The following DMXL1 variants were observed in gnomAD, a reference collection of about 807,000 sequenced individuals.
DMXL1 encodes the protein dmX-like protein 1.
In DMXL1, 99 loss-of-function variants were observed where a neutral mutation model predicts 319.2. The ratio of observed to expected loss-of-function variants is 0.31; its 90% confidence interval spans 0.26 to 0.37. The LOEUF is 0.37. DMXL1 is among the 10% of genes least tolerant of loss of function. DMXL1 has a pLI of 1.00. For synonymous variants in DMXL1, 1,385 were observed against 1,235.2 expected, an observed-to-expected ratio of 1.12 and a Z score of -2.54; for missense variants, 3,745 against 3,595.6, an observed-to-expected ratio of 1.04 and a Z score of -1.06.
chr5:119,077,166 T>G (rs1182119560), intron 1 of DMXL1, among the ~76,000 whole-genome samples: 2 of 152,168 alleles, frequency 1.3e-5, no homozygotes, highest in Non-Finnish European at 2.9e-5. Flanking sequence ...CTATTTTATT[T>G]TATTTTTTTG....
intron 17 of DMXL1, 74 bp downstream of exon 17, chr5:119,147,544 G>T: frequency 1.0e-6 from 1 of 984,042 alleles, no homozygotes; most frequent in Non-Finnish European, 1.6e-6. Flanking sequence ...AATAGGTGCT[G>T]CAACTATCTC....
rs757939896 is a variant in DMXL1, at chr5:119,171,960, A to T, written c.6672A>T (p.Gln2224His). The T allele has an allele frequency of 1.2e-6, 2 of 1,610,412 alleles. No homozygotes were observed. Among genetic ancestry groups the T allele is most frequent in the Non-Finnish European group, 1.7e-6 (2 of 1,178,288 alleles). ...ATTCACCACCCCACCCTGATATCCA[A>T]AGCAATAAAGTAAGTATGCTTGGTT... ...NFDSPPHPDI[Q>H]SNKVYVMHTL... Residue 2224 changes from glutamine to histidine, a missense_variant, in exon 25 of 44, where the codon CAA (glutamine) becomes CAT (histidine). By Grantham distance (24) the Gln-to-His change is conservative. Around this residue, in one of 4 missense-constraint regions of DMXL1, gnomAD observed 1,382 missense variants for 1,269.5 expected, o/e 1.09. Coordinates refer to ENST00000539542, the MANE Select transcript of DMXL1 (RefSeq NM_001290321.3).
At chr5:119,239,447 G>A (rs560558476) in intron 41 of DMXL1, among the ~76,000 whole-genome samples, 13 of 152,234 alleles carry the variant, frequency 8.5e-5, no homozygotes, top group African/African-American at 3.1e-4. Context: ...TATTTCTTAC[G>A]TATGTTGGTC....
chr5:119,203,323 A>G lies in DMXL1; in HGVS notation c.7750A>G (p.Lys2584Glu), dbSNP rs1427786810. The change falls in exon 33 of 44, where the codon AAA (lysine) becomes GAA (glutamate). Residue 2584 changes from lysine (K) to glutamate (E), a missense_variant. Lys to Glu is a moderately conservative substitution (Grantham distance 56). Around this residue, in one of 4 missense-constraint regions of DMXL1, gnomAD observed 1,382 missense variants for 1,269.5 expected, o/e 1.09. Coordinates refer to ENST00000539542, the MANE Select transcript of DMXL1 (RefSeq NM_001290321.3). Reference sequence around the variant, plus strand: ...ATTTGCTGTCTCTCTCTGTAGATCCAAACACCATCTGGCACTGTCTGTGAA... The same window carrying G: ...ATTTGCTGTCTCTCTCTGTAGATCCGAACACCATCTGGCACTGTCTGTGAA... ...LEPTNTPFKS[K>E]HHLALSVKRL... The G allele has an allele frequency of 6.4e-7, 1 of 1,572,752 alleles. No homozygotes were observed.
At chr5:119,214,044 C>T (rs187791347) in intron 34 of DMXL1, among the ~76,000 whole-genome samples, 88 of 152,222 alleles carry the variant, frequency 5.8e-4, no homozygotes, top group Admixed American at 1.1e-3. Context: ...TCTTTACTCT[C>T]TCCTTGGGTT....
intron 38 of DMXL1, among the ~76,000 whole-genome samples, chr5:119,226,377 G>A (rs1270679205): frequency 6.6e-6 from 1 of 152,136 alleles, no homozygotes; most frequent in Non-Finnish European, 1.5e-5. Flanking sequence ...ATATTAGTCT[G>A]AAGTTCAGAT....
Position 119,121,033 on chromosome 5 carries a change from A to T in DMXL1, c.996A>T (p.Gly332=). 6.2e-7 allele frequency: 1 copy of T among 1,613,742 alleles called. No individual in the cohort carries two copies. The highest frequency in any genetic ancestry group is 1.1e-5 in the South Asian group (1 of 91,004). The part of the protein sequence containing the change: ...RRSLALVAHT[G]YLPHQQDPHH... ...CACTTGCTCTTGTAGCACATACGGG[A>T]TATCTACCACATCAGCAGGATCCTC... is the stretch of plus-strand genomic sequence containing the variant. Residue 332 remains glycine, a synonymous_variant, in exon 9 of 44, where the codon GGA becomes GGT. Transcript: ENST00000539542.
chr5:119,112,714 T>C (rs1759918656), intron 5 of DMXL1, among the ~76,000 whole-genome samples: 1 of 152,162 alleles, frequency 6.6e-6, no homozygotes, highest in Non-Finnish European at 1.5e-5. Context: ...CTGAACACTT[T>C]GGGAGGCCGA....
intron 37 of DMXL1, among the ~76,000 whole-genome samples, chr5:119,221,797 A>G (rs199498426): frequency 8.1e-6 from 1 of 122,722 alleles, no homozygotes; most frequent in East Asian, 2.5e-4. Flanking sequence ...TTTTTTTTTT[A>G]ACAAAAACAA....
chr5:119,171,922 A>G lies in DMXL1; in HGVS notation c.6634A>G (p.Ile2212Val). 3.1e-6 allele frequency: 5 copies of G among 1,613,698 alleles called. No individual in the cohort carries two copies. Among genetic ancestry groups the G allele is most frequent in the Non-Finnish European group, 4.2e-6 (5 of 1,179,766 alleles). Residue 2212 changes from isoleucine (I) to valine (V), a missense_variant, in exon 25 of 44, where the codon ATA becomes GTA. This residue lies in a region of DMXL1 where 1,382 missense variants were observed against 1,269.5 expected (regional missense o/e 1.09). Coordinates refer to ENST00000539542, the MANE Select transcript of DMXL1 (RefSeq NM_001290321.3). ...SNLTHDILHA[I>V]INFDSPPHPD... ...TCTGACACATGATATTCTCCATGCC[A>G]TAATAAACTTTGATTCACCACCCCA... is the stretch of plus-strand genomic sequence containing the variant.
At chr5:119,208,780 C>G (rs1185513072) in intron 34 of DMXL1, among the ~76,000 whole-genome samples, 2 of 152,146 alleles carry the variant, frequency 1.3e-5, no homozygotes, top group Non-Finnish European at 2.9e-5. Flanking sequence ...TGTATATACA[C>G]TAGCGAAGCC....
At chr5:119,088,223 G>A (rs190909991) in intron 1 of DMXL1, among the ~76,000 whole-genome samples, 1 of 152,300 alleles carries the variant, frequency 6.6e-6, no homozygotes, top group Non-Finnish European at 1.5e-5. Context: ...TTTATAGTCT[G>A]TCTTTGATTT....
At chr5:119,115,705 T>C (rs1760691497) in intron 6 of DMXL1, among the ~76,000 whole-genome samples, 1 of 152,182 alleles carries the variant, frequency 6.6e-6, no homozygotes, top group Non-Finnish European at 1.5e-5. Context: ...ATATAGTATT[T>C]ATATATTAAC....
At chr5:119,199,013 A>T (rs912131377) in intron 32 of DMXL1, among the ~76,000 whole-genome samples, 1 of 152,100 alleles carries the variant, frequency 6.6e-6, no homozygotes, top group Non-Finnish European at 1.5e-5. Context: ...CACCCTCCTG[A>T]ATAGCTGGGA....
chr5:119,141,812 T>C lies in DMXL1; in HGVS notation c.2377-2029T>C, dbSNP rs544131395. Among the ~76,000 whole-genome samples, 4 of 151,904 alleles carry C rather than the reference T, an allele frequency of 2.6e-5. No homozygotes were observed. The South Asian group carries it at 8.3e-4, about 32-fold the overall frequency. ...ATAAGAGGCTGTGTAGCCAAGGCAATCGTAAAAAAAAGAACAGAGCTTTGA... is the reference window on the plus strand; with the variant it reads ...ATAAGAGGCTGTGTAGCCAAGGCAACCGTAAAAAAAAGAACAGAGCTTTGA... On this transcript the variant is annotated intron_variant, in intron 13 of 43. Transcript: ENST00000539542.
At chr5:119,217,726 G>A (rs1296170381) in intron 35 of DMXL1, among the ~76,000 whole-genome samples, 2 of 152,104 alleles carry the variant, frequency 1.3e-5, no homozygotes, top group African/African-American at 2.4e-5. Flanking sequence ...ATTGTTAAAT[G>A]TTATGTAGAT....
chr5:119,210,763 T>TTG (rs1782659015), intron 34 of DMXL1, among the ~76,000 whole-genome samples: 1 of 146,930 alleles, frequency 6.8e-6, no homozygotes, highest in Admixed American at 6.8e-5. Flanking sequence ...TTTCGTTTTT[T>TTG]TTTTTTTTTT....
chr5:119,088,815 G>C (rs1045176581), intron 1 of DMXL1, among the ~76,000 whole-genome samples: 3 of 152,024 alleles, frequency 2.0e-5, no homozygotes, highest in Non-Finnish European at 4.4e-5. Context: ...TAATTTGCCT[G>C]TTTTTATATT....
chr5:119,170,568 A>G lies in DMXL1; in HGVS notation c.5777A>G (p.Gln1926Arg), dbSNP rs80082794. The G allele has an allele frequency of 2.1e-3, 3,355 of 1,613,948 alleles. 65 individuals carry two copies. In the African/African-American group the frequency reaches 0.038, roughly 18 times the overall value. The change falls in exon 24 of 44, where the codon CAG becomes CGG. Residue 1926 changes from glutamine (Q) to arginine (R), a missense_variant. Physicochemically the swap from Gln to Arg is conservative, Grantham distance 43. Transcript: ENST00000539542. ...AAGTCTTCTGCTGTTGATTGGTCACAGTCACTGATAAATGGTTTTGGATCT... is the reference window on the plus strand; with the variant it reads ...AAGTCTTCTGCTGTTGATTGGTCACGGTCACTGATAAATGGTTTTGGATCT... ...EDKSSAVDWS[Q>R]SLINGFGSSS... is the part of the protein sequence containing the mutation.
Sources: gnomAD v4.1 joint callset for allele counts (sites outside exome capture counted in the v4.1 genomes callset) on GRCh38, gnomAD v4.1.1 for gene constraint, gnomAD v4.1.1 regional missense constraint, MANE v1.5 for transcripts, NCBI Gene and HGNC (gene_info 2026-07-23, HGNC 2026-07-21) for gene names.